BMPR1B: variants seen among roughly 807,000 people sequenced by gnomAD.
BMPR1B encodes bone morphogenetic protein receptor type 1B, also known as bone morphogenetic protein receptor type-1B.
Under a neutral mutation model 59.1 loss-of-function variants are expected in BMPR1B, and 12 were observed. The observed-to-expected ratio is 0.20, with a 90% CI of 0.13 to 0.33. The LOEUF (loss-of-function observed/expected upper bound fraction) is 0.33. Ranked by LOEUF, BMPR1B falls within the 10% of genes least tolerant of loss-of-function variation. The pLI is 1.00. For synonymous variants in BMPR1B, 237 were observed against 207.3 expected, an observed-to-expected ratio of 1.14 and a Z score of -1.23; for missense variants, 550 against 610.9, an observed-to-expected ratio of 0.90 and a Z score of 1.05.
chr4:94,793,155 T>A (rs1206104171), intron 1 of BMPR1B, among the ~76,000 whole-genome samples: 1 of 152,126 alleles, frequency 6.6e-6, no homozygotes, highest in Non-Finnish European at 1.5e-5. Context: ...CTCCCAATGC[T>A]ATCCCTCCCC....
intron 3 of BMPR1B, among the ~76,000 whole-genome samples, chr4:95,063,707 T>C (rs554659780): frequency 5.8e-4 from 89 of 152,146 alleles, no homozygotes; most frequent in African/African-American, 2.1e-3. Flanking sequence ...TAAAACAAAC[T>C]ACAGACAGGC....
chr4:95,078,985 C>T (rs1479615357), intron 3 of BMPR1B, among the ~76,000 whole-genome samples: 2 of 152,122 alleles, frequency 1.3e-5, no homozygotes, highest in Non-Finnish European at 1.5e-5. Context: ...TCTAGAGCCC[C>T]TGAACTCAAG....
At chr4:94,905,163 G>A (rs961370514) in intron 2 of BMPR1B, among the ~76,000 whole-genome samples, 2 of 151,960 alleles carry the variant, frequency 1.3e-5, no homozygotes, top group African/African-American at 4.8e-5. Flanking sequence ...TGGTTAGAAA[G>A]GCATGATGAA....
chr4:94,864,274 G>A (rs1230695298), intron 1 of BMPR1B, among the ~76,000 whole-genome samples: 1 of 152,142 alleles, frequency 6.6e-6, no homozygotes, highest in African/African-American at 2.4e-5. Context: ...ATTTTAACCT[G>A]TCCCGTTTCA....
chr4:95,126,149 G>A (rs570932209), intron 8 of BMPR1B, among the ~76,000 whole-genome samples: 6 of 152,144 alleles, frequency 3.9e-5, no homozygotes, highest in South Asian at 4.2e-4. Context: ...ACTAATAATG[G>A]CCATTTAAAA....
rs776099461 is a variant in BMPR1B, at chr4:95,131,309, G to A, written c.873G>A (p.Leu291=). 1.9e-6 allele frequency: 3 copies of A among 1,613,844 alleles called. No homozygotes were observed. Among genetic ancestry groups the A allele is most frequent in the South Asian group, 2.2e-5 (2 of 91,066 alleles). The part of the protein sequence containing the change: ...YHENGSLYDY[L]KSTTLDAKSM... Reference sequence around the variant, plus strand: ...AAAATGGTTCCCTTTATGATTATCTGAAGTCCACCACCCTAGACGCTAAAT... The same window carrying A: ...AAAATGGTTCCCTTTATGATTATCTAAAGTCCACCACCCTAGACGCTAAAT... Residue 291 remains leucine (L), a synonymous_variant, in exon 10 of 13, where the codon CTG becomes CTA. Coordinates refer to ENST00000515059, the MANE Select transcript of BMPR1B (RefSeq NM_001203.3).
chr4:94,943,718 A>G (rs1016937380), intron 2 of BMPR1B, among the ~76,000 whole-genome samples: 1 of 152,216 alleles, frequency 6.6e-6, no homozygotes, highest in Non-Finnish European at 1.5e-5. Flanking sequence ...AGAAATGGAA[A>G]TGGAATGCTG....
chr4:94,840,048 T>G (rs1724993071), intron 1 of BMPR1B, among the ~76,000 whole-genome samples: 1 of 151,950 alleles, frequency 6.6e-6, no homozygotes, highest in Non-Finnish European at 1.5e-5. Flanking sequence ...TATGAAATTC[T>G]GTGTTGAACA....
rs1021290320 is a variant in BMPR1B at position 95,115,139 on chromosome 4, C to A, written c.246+317C>A. Among the ~76,000 whole-genome samples the A allele has an allele frequency of 2.6e-5, 4 of 152,078 alleles. No homozygotes were observed. The East Asian group carries it at 7.7e-4, about 29-fold the overall frequency. On this transcript the variant is annotated intron_variant, in intron 5 of 12. Coordinates refer to ENST00000515059, the MANE Select transcript of BMPR1B (RefSeq NM_001203.3). ...TTACCCTAGGAACAATAGGCTTTAT[C>A]TTTTGGCCTATGTGTGTAGTAGGCT...
chr4:95,031,053 G>A (rs983731106), intron 3 of BMPR1B, among the ~76,000 whole-genome samples: 16 of 151,676 alleles, frequency 1.1e-4, no homozygotes, highest in East Asian at 5.8e-4. Flanking sequence ...AAAAGAGCCC[G>A]CATCGCCAAG....
At chr4:94,788,884 A>G (rs1025534516) in intron 1 of BMPR1B, among the ~76,000 whole-genome samples, 1 of 152,162 alleles carries the variant, frequency 6.6e-6, no homozygotes, top group Non-Finnish European at 1.5e-5. Context: ...GCATGGCCCC[A>G]GGATATTCCC....
chr4:94,791,874 A>G (rs1722999919), intron 1 of BMPR1B, among the ~76,000 whole-genome samples: 1 of 145,960 alleles, frequency 6.9e-6, no homozygotes, highest in South Asian at 2.1e-4. Context: ...CTCCCTATTC[A>G]TTTTCTGAAA....
intron 1 of BMPR1B, among the ~76,000 whole-genome samples, chr4:94,850,180 C>G (rs1687666743): frequency 6.6e-6 from 1 of 152,036 alleles, no homozygotes; most frequent in African/African-American, 2.4e-5. Context: ...TCCTTTTCCT[C>G]ATGCTTCAGA....
intron 2 of BMPR1B, among the ~76,000 whole-genome samples, chr4:94,890,268 G>A (rs1476120730): frequency 1.3e-5 from 2 of 152,044 alleles, no homozygotes; most frequent in African/African-American, 4.8e-5. Context: ...GTTTTGTGTA[G>A]GGGAATGTCT....
chr4:95,023,355 A>G (rs1724125593), intron 3 of BMPR1B, among the ~76,000 whole-genome samples: 1 of 152,158 alleles, frequency 6.6e-6, no homozygotes, highest in African/African-American at 2.4e-5. Flanking sequence ...AATGATGGCA[A>G]ACCTTTAAGA....
At chr4:94,854,555 A>G (rs1725683404) in intron 1 of BMPR1B, among the ~76,000 whole-genome samples, 3 of 152,210 alleles carry the variant, frequency 2.0e-5, no homozygotes, top group Admixed American at 2.0e-4. Context: ...TTCAGTATGT[A>G]TTTAAAATCT....
chr4:94,935,807 C>A (rs1336547277), intron 2 of BMPR1B, among the ~76,000 whole-genome samples: 1 of 152,144 alleles, frequency 6.6e-6, no homozygotes, highest in Non-Finnish European at 1.5e-5. Flanking sequence ...ATCATAGATG[C>A]TCAGAAAATG....
At chr4:95,153,928 C>T (rs1023346355) in intron 12 of BMPR1B, among the ~76,000 whole-genome samples, 5 of 152,172 alleles carry the variant, frequency 3.3e-5, no homozygotes, top group Admixed American at 6.5e-5. Context: ...ATAATATATA[C>T]GTTTTCCAGC....
chr4:94,994,326 T>C lies in BMPR1B; in HGVS notation c.-112-1714T>C, dbSNP rs77427905. On this transcript the variant is annotated intron_variant, in intron 2 of 12. Coordinates refer to ENST00000515059, the MANE Select transcript of BMPR1B (RefSeq NM_001203.3). The stretch of plus-strand genomic sequence containing the variant: ...ATCTATTTGAAGTTCTAAGTATGTG[T>C]TGTGCTCTTTCCTGCCTTTGTCTTG... Among the ~76,000 whole-genome samples, 241 of 152,312 alleles carry C rather than the reference T, an allele frequency of 1.6e-3. 3 individuals are homozygous for C. In the East Asian group the frequency reaches 0.016, roughly 10 times the overall value.
Sources: allele counts gnomAD v4.1 joint callset (sites outside exome capture counted in the v4.1 genomes callset), GRCh38; gene constraint gnomAD v4.1.1; transcripts MANE v1.5; gene names NCBI Gene and HGNC (gene_info 2026-07-23, HGNC 2026-07-21).